The following GABRA4 variants were observed in gnomAD, a reference collection of about 807,000 sequenced individuals.
GABRA4 encodes gamma-aminobutyric acid type A receptor subunit alpha4.
Under a neutral mutation model 49.7 loss-of-function variants are expected in GABRA4, and 12 were observed. The observed-to-expected ratio is 0.24, with a 90% CI of 0.15 to 0.39. The LOEUF is 0.39. Among genes scored for constraint, GABRA4 ranks in the 10% least tolerant of loss-of-function variants. The pLI, the probability that GABRA4 is intolerant of heterozygous loss-of-function variation, is 1.00. For missense variants in GABRA4, 506 were observed against 686.0 expected (o/e 0.74, Z 2.93); for synonymous variants, 288 against 240.2 (o/e 1.20, Z -1.84).
chr4:46,947,260 T>G (rs1406359001), intron 8 of GABRA4, among the ~76,000 whole-genome samples: 1 of 152,024 alleles, frequency 6.6e-6, no homozygotes, highest in Non-Finnish European at 1.5e-5. Context: ...TTTTAAAAAT[T>G]TGTTTACCCC....
intron 2 of GABRA4, among the ~76,000 whole-genome samples, chr4:46,991,172 C>G (rs11727160): frequency 6.7e-6 from 1 of 150,192 alleles, no homozygotes; most frequent in African/African-American, 2.4e-5. Flanking sequence ...AGTGACAGAG[C>G]GAGACTCCAT....
Position 46,921,291 on chromosome 4 carries a change from A to T in GABRA4, c.*6934T>A, listed in dbSNP as rs1157976762. 1 of 151,968 alleles carries T rather than the reference A, an allele frequency of 6.6e-6. No individual in the cohort carries two copies. The highest frequency in any genetic ancestry group is 2.4e-5 in the African/African-American group (1 of 41,444). The allele number at this position is 151,968 out of a possible 1,614,324, so 9.4% of individuals were successfully genotyped here. A position where few individuals can be genotyped will look rare whatever the true frequency, so the allele number is the denominator to read the frequency against. On this transcript the variant is annotated 3_prime_UTR_variant, in exon 9 of 9. Transcript: ENST00000264318. ...AAGTACTTCACTAATCTACTGATGA[A>T]TTGAAGGACAGGAAAATATAAACAG...
chr4:46,978,963 T>G, intron 3 of GABRA4, 68 bp downstream of exon 3: 2 of 990,398 alleles, frequency 2.0e-6, no homozygotes, highest in Non-Finnish European at 3.2e-6. Flanking sequence ...AAATAAATAT[T>G]AATTGCCCTC....
chr4:46,919,872 T>C lies in GABRA4; in HGVS notation c.*8353A>G, dbSNP rs1014546093. On this transcript the variant is annotated 3_prime_UTR_variant, in exon 9 of 9. Coordinates refer to ENST00000264318, the MANE Select transcript of GABRA4 (RefSeq NM_000809.4). ...GACATTCAAAGTATTATCGCATAGA[T>C]ACACCTTTGCATGAAAACCGGATTC... The C allele has an allele frequency of 6.6e-6, 1 of 151,704 alleles. No individual in the cohort carries two copies. Among genetic ancestry groups the C allele is most frequent in the Non-Finnish European group, 1.5e-5 (1 of 67,662 alleles). The allele number at this position is 151,704 out of a possible 1,614,324, so 9.4% of individuals were successfully genotyped here.
chr4:46,930,445 G>C (rs1480266385), intron 8 of GABRA4, among the ~76,000 whole-genome samples: 2 of 151,566 alleles, frequency 1.3e-5, no homozygotes, highest in Non-Finnish European at 2.9e-5. Context: ...AAAAGAACAA[G>C]GTATATCCTC....
chr4:46,993,546 C>A lies in GABRA4; in HGVS notation c.-122G>T. On this transcript the variant is annotated 5_prime_UTR_variant, in exon 1 of 9. Coordinates refer to ENST00000264318, the MANE Select transcript of GABRA4 (RefSeq NM_000809.4). ...GTGCGCACACTCGCGCTCACACTCG[C>A]CCGCGCTCAGCCAGCCCGAGCCGCG... The A allele has an allele frequency of 9.4e-7, 1 of 1,068,120 alleles. No homozygotes were observed. Among genetic ancestry groups the A allele is most frequent in the South Asian group, 1.4e-5 (1 of 70,656 alleles). 66.2% of individuals were successfully genotyped at this position (1,068,120 alleles called of 1,614,324 possible).
intron 8 of GABRA4, among the ~76,000 whole-genome samples, chr4:46,960,919 G>A (rs761789232): frequency 2.0e-5 from 3 of 151,564 alleles, no homozygotes; most frequent in Non-Finnish European, 4.4e-5. Flanking sequence ...ATAAATTCAA[G>A]ACTCAAGTTT....
intron 8 of GABRA4, among the ~76,000 whole-genome samples, chr4:46,957,412 A>G: frequency 6.6e-6 from 1 of 152,010 alleles, no homozygotes; most frequent in East Asian, 1.9e-4. Context: ...GAATCTATGG[A>G]CTTTAAAATT....
intron 2 of GABRA4, among the ~76,000 whole-genome samples, chr4:46,984,585 G>T (rs943233146): frequency 2.6e-5 from 4 of 151,714 alleles, no homozygotes; most frequent in African/African-American, 7.3e-5. Context: ...AATAAGAAAA[G>T]CATGAACAAC....
At chr4:46,985,373 G>C (rs1224342695) in intron 2 of GABRA4, among the ~76,000 whole-genome samples, 3 of 151,902 alleles carry the variant, frequency 2.0e-5, no homozygotes, top group Non-Finnish European at 4.4e-5. Context: ...ACTTTGTGCT[G>C]GTTGGTGGTT....
intron 6 of GABRA4, among the ~76,000 whole-genome samples, chr4:46,971,993 G>A (rs369513906): frequency 3.3e-5 from 5 of 151,560 alleles, no homozygotes; most frequent in Admixed American, 1.3e-4. Context: ...AAAAGAATAT[G>A]TGAAGAAAGT....
At chr4:46,975,734 A>G (rs1723120205) in intron 5 of GABRA4, among the ~76,000 whole-genome samples, 1 of 151,866 alleles carries the variant, frequency 6.6e-6, no homozygotes, top group Non-Finnish European at 1.5e-5. Context: ...GGATGCGGGG[A>G]GTGAAAAGGA....
At chr4:46,977,212 A>G (rs1050141239) in intron 4 of GABRA4, 69 bp from the exon 5 acceptor site, 13 of 958,252 alleles carry the variant, frequency 1.4e-5, no homozygotes, top group Non-Finnish European at 1.9e-5. Flanking sequence ...AGATTCTAAA[A>G]TAGGAAGGAA....
rs1721048430 is a variant in GABRA4 at position 46,921,928 on chromosome 4, G to T, written c.*6297C>A. On this transcript the variant is annotated 3_prime_UTR_variant, in exon 9 of 9. Coordinates refer to ENST00000264318, the MANE Select transcript of GABRA4 (RefSeq NM_000809.4). The stretch of plus-strand genomic sequence containing the variant: ...TGGCATATATCTTGGGCAGGATGTA[G>T]ATTTCAATAAGTATCATTATCCTGC... 6.6e-6 allele frequency: 1 copy of T among 152,060 alleles called. No homozygotes were observed. Among genetic ancestry groups the T allele is most frequent in the Non-Finnish European group, 1.5e-5 (1 of 68,010 alleles). The allele number at this position is 152,060 out of a possible 1,614,324, so 9.4% of individuals were successfully genotyped here.
At chr4:46,957,986 G>A (rs1722425717) in intron 8 of GABRA4, among the ~76,000 whole-genome samples, 1 of 151,666 alleles carries the variant, frequency 6.6e-6, no homozygotes, top group African/African-American at 2.4e-5. Context: ...ATTCTATATT[G>A]GGCTTATTAT....
chr4:46,991,362 C>T (rs1053287164), intron 2 of GABRA4, among the ~76,000 whole-genome samples: 3 of 152,058 alleles, frequency 2.0e-5, no homozygotes, highest in African/African-American at 4.8e-5. Context: ...CCTCAGTGTC[C>T]CCATCTGTTA....
At chr4:46,982,067 C>T (rs997125699) in intron 2 of GABRA4, among the ~76,000 whole-genome samples, 25 of 152,066 alleles carry the variant, frequency 1.6e-4, no homozygotes, top group Admixed American at 1.6e-3. Context: ...TACCCCTGAA[C>T]TCGTATTCTA....
chr4:46,924,377 T>A lies in GABRA4; in HGVS notation c.*3848A>T, dbSNP rs1052583916. ...GCCTGAGATGAGTATCACTCTAGTT[T>A]TGGCCCTGCTGTATTCTACTGAAGC... On this transcript the variant is annotated 3_prime_UTR_variant, in exon 9 of 9. Coordinates refer to ENST00000264318, the MANE Select transcript of GABRA4 (RefSeq NM_000809.4). 1 of 152,080 alleles carries A rather than the reference T, an allele frequency of 6.6e-6. No homozygotes were observed. The highest frequency in any genetic ancestry group is 1.5e-5 in the Non-Finnish European group (1 of 67,958). The allele number at this position is 152,080 out of a possible 1,614,324, so 9.4% of individuals were successfully genotyped here.
At chr4:46,984,707 G>C (rs1406505961) in intron 2 of GABRA4, among the ~76,000 whole-genome samples, 1 of 151,944 alleles carries the variant, frequency 6.6e-6, no homozygotes, top group Admixed American at 6.6e-5. Context: ...TTAAAACATA[G>C]TGAGAATCAG....
Sources: gnomAD v4.1 joint callset for allele counts (sites outside exome capture counted in the v4.1 genomes callset) on GRCh38, gnomAD v4.1.1 for gene constraint, MANE v1.5 for transcripts, NCBI Gene and HGNC (gene_info 2026-07-23, HGNC 2026-07-21) for gene names.